ERC1: variants seen among roughly 807,000 people sequenced by gnomAD.
ERC1 encodes the protein RAB6 interacting protein 2.
A neutral mutation model predicts 132.0 loss-of-function variants in ERC1; 56 were observed. That is an observed-to-expected ratio of 0.42 (90% confidence interval 0.34 to 0.53). The LOEUF is 0.53. Ranked by LOEUF, ERC1 falls within the 20% of genes least tolerant of loss-of-function variation. The probability of loss-of-function intolerance (pLI) is 0.03; values close to 1 mark genes in which losing one functional copy is unlikely to be tolerated. For missense variants in ERC1, 1,202 were observed against 1,349.9 expected (o/e 0.89, Z 1.72); for synonymous variants, 478 against 476.1 (o/e 1.00, Z -0.05).
intron 12 of ERC1, chr12:1,190,319 T>TA: frequency 2.0e-6 from 1 of 491,788 alleles, no homozygotes; most frequent in South Asian, 1.7e-5. Context: ...AATTTAAAAT[T>TA]AAAGTTTTTT....
intron 14 of ERC1, among the ~76,000 whole-genome samples, chr12:1,282,922 G>T (rs538268306): frequency 2.0e-5 from 3 of 151,954 alleles, no homozygotes; most frequent in South Asian, 2.1e-4. Context: ...GGAGACTTAC[G>T]CCTTTTACTC....
intron 12 of ERC1, among the ~76,000 whole-genome samples, chr12:1,194,044 C>T (rs1049865781): frequency 2.6e-5 from 4 of 152,144 alleles, no homozygotes; most frequent in African/African-American, 9.7e-5. Flanking sequence ...AATGTAACTG[C>T]AAATTTCTCT....
intron 17 of ERC1, among the ~76,000 whole-genome samples, chr12:1,438,954 A>AAAAAAAAAAAATATATATATATATATAT (rs1015181197): frequency 1.4e-5 from 2 of 143,490 alleles, no homozygotes; most frequent in Admixed American, 6.9e-5. Context: ...TTTAAAAAAA[A>AAAAAAAAAAAATATATATATATATATAT]ATATATATAT....
intron 12 of ERC1, among the ~76,000 whole-genome samples, chr12:1,217,253 C>T (rs1304734729): frequency 6.6e-6 from 1 of 152,172 alleles, no homozygotes; most frequent in Non-Finnish European, 1.5e-5. Flanking sequence ...CTCAGCCACA[C>T]CTTCAGATTT....
intron 12 of ERC1, among the ~76,000 whole-genome samples, chr12:1,230,507 T>G (rs1026232030): frequency 3.9e-5 from 6 of 152,252 alleles, no homozygotes; most frequent in Non-Finnish European, 8.8e-5. Context: ...ATATGTTATA[T>G]TCTGGGGAAT....
chr12:1,390,266 A>T (rs2089831386), intron 16 of ERC1, among the ~76,000 whole-genome samples: 1 of 152,306 alleles, frequency 6.6e-6, no homozygotes, highest in Non-Finnish European at 1.5e-5. Flanking sequence ...CTGTCTCTTG[A>T]TATATTTAGA....
intron 15 of ERC1, among the ~76,000 whole-genome samples, chr12:1,322,896 C>G (rs777760098): frequency 6.6e-6 from 1 of 152,108 alleles, no homozygotes; most frequent in Non-Finnish European, 1.5e-5. Context: ...CTTCCTTTTT[C>G]ACACCTGATT....
At chr12:1,480,027 T>C (rs1315913960) in intron 18 of ERC1, among the ~76,000 whole-genome samples, 1 of 152,014 alleles carries the variant, frequency 6.6e-6, no homozygotes, top group Non-Finnish European at 1.5e-5. Context: ...TACTTGTACA[T>C]GTGTCATTCC....
At chr12:1,240,262 A>G (rs141999198) in intron 13 of ERC1, among the ~76,000 whole-genome samples, 5 of 152,310 alleles carry the variant, frequency 3.3e-5, no homozygotes, top group Admixed American at 6.5e-5. Flanking sequence ...TAAAATTCCA[A>G]TGGTAGTAGG....
At chr12:1,235,771 A>G (rs2154302620) in intron 12 of ERC1, among the ~76,000 whole-genome samples, 1 of 152,300 alleles carries the variant, frequency 6.6e-6, no homozygotes, top group Non-Finnish European at 1.5e-5. Context: ...GGAAAATAAA[A>G]TAAAATAAGG....
chr12:1,302,805 A>T (rs576602890), intron 15 of ERC1, among the ~76,000 whole-genome samples: 2 of 152,188 alleles, frequency 1.3e-5, no homozygotes, highest in African/African-American at 4.8e-5. Context: ...CTACAAAAAA[A>T]GAAAATAAAT....
At chr12:1,416,919 C>T (rs988180207) in intron 17 of ERC1, among the ~76,000 whole-genome samples, 6 of 152,186 alleles carry the variant, frequency 3.9e-5, no homozygotes, top group Non-Finnish European at 8.8e-5. Flanking sequence ...CCACTTATAG[C>T]ATTAATACCC....
chr12:1,097,026 C>T (rs1944123208), intron 3 of ERC1, among the ~76,000 whole-genome samples: 1 of 152,148 alleles, frequency 6.6e-6, no homozygotes, highest in African/African-American at 2.4e-5. Context: ...AGAATTATGT[C>T]TTTGTTTTGT....
At chr12:1,452,722 T>C (rs1456463520) in intron 18 of ERC1, among the ~76,000 whole-genome samples, 2 of 152,232 alleles carry the variant, frequency 1.3e-5, no homozygotes, top group African/African-American at 2.4e-5. Flanking sequence ...TGTGTGTGTG[T>C]CATAATTTTT....
chr12:1,210,671 C>G (rs980035535), intron 12 of ERC1, among the ~76,000 whole-genome samples: 1 of 152,116 alleles, frequency 6.6e-6, no homozygotes, highest in African/African-American at 2.4e-5. Flanking sequence ...GGGATAGTTG[C>G]TGTCAATGGC....
At chr12:1,137,079 TTTTC>T (rs1290646234) in intron 7 of ERC1, among the ~76,000 whole-genome samples, 2 of 151,298 alleles carry the variant, frequency 1.3e-5, no homozygotes, top group East Asian at 1.9e-4. Flanking sequence ...TTCTTTTTCT[TTTTC>T]TTTCTTTTTT....
Position 1,424,901 on chromosome 12 carries a change from G to T in ERC1, c.3024+16654G>T, listed in dbSNP as rs150395347. On this transcript the variant is annotated intron_variant, in intron 17 of 18. Transcript: ENST00000360905. ...AGATAGATAGATAGATAGATAGATA[G>T]ATAGATAGATAATCTGTCTCTACTC... Among the ~76,000 whole-genome samples, 212 of 150,306 alleles carry T rather than the reference G, an allele frequency of 1.4e-3. 3 individuals carry two copies. The highest frequency in any genetic ancestry group is 5.0e-3 in the African/African-American group (201 of 40,002).
At chr12:1,121,612 T>C in intron 7 of ERC1, among the ~76,000 whole-genome samples, 1 of 152,148 alleles carries the variant, frequency 6.6e-6, no homozygotes. Flanking sequence ...GCACTGGGGA[T>C]ACAGTGGCAA....
intron 15 of ERC1, among the ~76,000 whole-genome samples, chr12:1,360,579 A>C (rs2085992963): frequency 6.6e-6 from 1 of 152,226 alleles, no homozygotes; most frequent in Non-Finnish European, 1.5e-5. Flanking sequence ...AAATTCAGTT[A>C]ATAAAAAGGG....
Sources: gnomAD v4.1 joint callset for allele counts (sites outside exome capture counted in the v4.1 genomes callset) on GRCh38, gnomAD v4.1.1 for gene constraint, MANE v1.5 for transcripts, NCBI Gene and HGNC (gene_info 2026-07-23, HGNC 2026-07-21) for gene names.